The following GSN variants were observed in gnomAD, a reference collection of about 807,000 sequenced individuals.
The protein encoded by GSN is actin-depolymerizing factor.
Under a neutral mutation model 85.7 loss-of-function variants are expected in GSN, and 56 were observed. That is an observed-to-expected ratio of 0.65 (90% CI 0.53 to 0.82). GSN has a LOEUF of 0.82. Among genes scored for constraint, GSN ranks in the 40% least tolerant of loss-of-function variants. The probability of loss-of-function intolerance (pLI) is 0.00; values close to 1 mark genes in which losing one functional copy is unlikely to be tolerated. For missense variants in GSN, 857 were observed against 979.8 expected (o/e 0.87, Z 1.67); for synonymous variants, 373 against 399.1 (o/e 0.93, Z 0.78).
chr9:121,317,087 T>C lies in GSN; in HGVS notation c.755T>C (p.Val252Ala), dbSNP rs2061800834. 1.2e-6 allele frequency: 2 copies of C among 1,614,002 alleles called. No individual in the cohort carries two copies. The highest frequency in any genetic ancestry group is 1.7e-6 in the Non-Finnish European group (2 of 1,180,028). Residue 252 changes from valine to alanine, a missense_variant and splice_region_variant, in exon 8 of 18, where the codon GTC becomes GCC. By Grantham distance (64) the Val-to-Ala change is moderately conservative. Transcript: ENST00000432226. ...GTTCCTTCTGCTTCGTCCCCTCAGG[T>C]CTCCAATGGTGCAGGGACCATGTCC... The part of the protein sequence containing the change: ...ANRKLAKLYK[V>A]SNGAGTMSVS...
intron 11 of GSN, 104 bp from the exon 12 acceptor site, chr9:121,324,450 C>G: frequency 1.4e-6 from 1 of 705,338 alleles, no homozygotes; most frequent in Non-Finnish European, 2.6e-6. Flanking sequence ...CTATCTGTTT[C>G]ATTACTGGTA....
chr9:121,228,015 C>G (rs1328147770), intron 4 of GSN, among the ~76,000 whole-genome samples: 1 of 152,122 alleles, frequency 6.6e-6, no homozygotes, highest in Non-Finnish European at 1.5e-5. Flanking sequence ...GTGCAGCCTG[C>G]TGGCTGCTGC....
intron 5 of GSN, among the ~76,000 whole-genome samples, chr9:121,236,869 CA>C (rs1356973859): frequency 6.6e-6 from 1 of 152,238 alleles, no homozygotes; most frequent in African/African-American, 2.4e-5. Context: ...TGCTTCCTAA[CA>C]GAGATTAAAA....
intron 2 of GSN, chr9:121,300,038 G>A (rs1389758961): frequency 3.2e-6 from 5 of 1,562,778 alleles, no homozygotes; most frequent in Non-Finnish European, 4.3e-6. Context: ...GGCTCCCGGA[G>A]TAACTCTCTA....
At chr9:121,279,508 AG>A (rs1477578419) in intron 1 of GSN, among the ~76,000 whole-genome samples, 1 of 152,042 alleles carries the variant, frequency 6.6e-6, no homozygotes, top group Admixed American at 6.5e-5. Context: ...GGATGCAGTC[AG>A]GGGTTGAACT....
chr9:121,282,613 G>A (rs2057522432), intron 2 of GSN: 2 of 872,762 alleles, frequency 2.3e-6, no homozygotes, highest in Admixed American at 8.2e-5. Context: ...TTCCCAAAAG[G>A]TCTGCCGGGC....
chr9:121,307,883 A>G (rs1358509651), intron 4 of GSN, among the ~76,000 whole-genome samples: 1 of 151,774 alleles, frequency 6.6e-6, no homozygotes, highest in Non-Finnish European at 1.5e-5. Context: ...CTTCCCCTGC[A>G]TTGCCCTGAC....
intron 6 of GSN, among the ~76,000 whole-genome samples, chr9:121,258,508 AT>A (rs1379849897): frequency 1.3e-5 from 2 of 151,632 alleles, no homozygotes; most frequent in African/African-American, 2.4e-5. Context: ...GTAGTTACTG[AT>A]TTTTTTTTAA....
chr9:121,263,888 C>CAAAAAAA (rs34342246), upstream of GSN, among the ~76,000 whole-genome samples: 1 of 70,552 alleles, frequency 1.4e-5, no homozygotes, highest in African/African-American at 6.1e-5. Flanking sequence ...AACTCCATCT[C>CAAAAAAA]AAAAAAAAAA....
intron 5 of GSN, among the ~76,000 whole-genome samples, chr9:121,238,331 A>G (rs1476624914): frequency 2.0e-5 from 3 of 152,214 alleles, no homozygotes; most frequent in African/African-American, 7.2e-5. Flanking sequence ...TGTGGCTGGG[A>G]TAAAAGCAGG....
At chr9:121,272,977 C>T (rs2056192797) in intron 1 of GSN, among the ~76,000 whole-genome samples, 1 of 152,174 alleles carries the variant, frequency 6.6e-6, no homozygotes, top group Non-Finnish European at 1.5e-5. Context: ...TTCCCAGGCC[C>T]TCCTGCTCCT....
At chr9:121,211,459 A>C (rs1179871349) in intron 4 of GSN, among the ~76,000 whole-genome samples, 1 of 152,226 alleles carries the variant, frequency 6.6e-6, no homozygotes, top group African/African-American at 2.4e-5. Context: ...TCCTTTAGCC[A>C]CTATGTAAGT....
chr9:121,313,593 C>T (rs901893069), intron 6 of GSN: 8 of 370,708 alleles, frequency 2.2e-5, no homozygotes, highest in East Asian at 6.3e-5. Flanking sequence ...GGCCTGGCTG[C>T]GAGGATGCAG....
intron 5 of GSN, chr9:121,311,422 A>G (rs563270565): frequency 3.9e-4 from 66 of 167,654 alleles, no homozygotes; most frequent in African/African-American, 1.5e-3. Context: ...CACCTGTGAT[A>G]TAATGTCCGT....
At chr9:121,325,871 G>A (rs2063092564) in intron 12 of GSN, among the ~76,000 whole-genome samples, 1 of 152,132 alleles carries the variant, frequency 6.6e-6, no homozygotes, top group African/African-American at 2.4e-5. Context: ...TCAGGGTGGA[G>A]TTGGGGTCTA....
Position 121,282,649 on chromosome 9 carries a change from C to T in GSN, c.-10+1087C>T, listed in dbSNP as rs1188826509. 13 of 529,708 alleles carry T rather than the reference C, an allele frequency of 2.5e-5. No homozygotes were observed. In the Middle Eastern group the frequency reaches 1.7e-3, roughly 68 times the overall value. 32.8% of individuals were successfully genotyped at this position (529,708 alleles called of 1,614,324 possible). A position where few individuals can be genotyped will look rare whatever the true frequency, so the allele number is the denominator to read the frequency against. On this transcript the variant is annotated intron_variant, in intron 2 of 17. Transcript: ENST00000432226. ...CCAGAAAGCTGACTCACCCCATCAG[C>T]GGCTATCCAAAGGTTCTGCTGACAA...
intron 2 of GSN, among the ~76,000 whole-genome samples, chr9:121,287,001 G>A (rs2058174998): frequency 1.3e-5 from 2 of 152,242 alleles, no homozygotes; most frequent in South Asian, 4.2e-4. Context: ...TTTGCAGATG[G>A]GGACGTTCAT....
At chr9:121,313,791 C>T in intron 6 of GSN, 143 bp from the exon 7 acceptor site, 1 of 717,814 alleles carries the variant, frequency 1.4e-6, no homozygotes, top group Non-Finnish European at 2.5e-6. Flanking sequence ...TGAGCAGATG[C>T]AGGATGTGTC....
intron 6 of GSN, among the ~76,000 whole-genome samples, chr9:121,251,171 C>T (rs1258656039): frequency 8.9e-6 from 1 of 112,752 alleles, no homozygotes; most frequent in Non-Finnish European, 1.7e-5. Context: ...TATAACATAC[C>T]TACAGCTGAT....
Sources: gnomAD v4.1 joint callset for allele counts (sites outside exome capture counted in the v4.1 genomes callset) on GRCh38, gnomAD v4.1.1 for gene constraint, MANE v1.5 for transcripts, NCBI Gene and HGNC (gene_info 2026-07-23, HGNC 2026-07-21) for gene names.